CGNL1: variants seen among roughly 807,000 people sequenced by gnomAD.
The protein encoded by CGNL1 is cingulin-like protein 1.
In CGNL1, 132 loss-of-function variants were observed where a neutral mutation model predicts 141.2. The observed-to-expected ratio is 0.93, with a 90% confidence interval of 0.81 to 1.08. The LOEUF (loss-of-function observed/expected upper bound fraction) is 1.08, where lower values mean the gene tolerates loss of function less well. Ranked by LOEUF, CGNL1 falls within the 50% of genes least tolerant of loss-of-function variation. The pLI, the probability that CGNL1 is intolerant of heterozygous loss-of-function variation, is 0.00. For synonymous variants in CGNL1, 690 were observed against 622.1 expected (o/e 1.11, Z -1.63); for missense variants, 1,870 against 1,588.6 (o/e 1.18, Z -3.01).
At chr15:57,476,619 A>G (rs564097484) in intron 8 of CGNL1, among the ~76,000 whole-genome samples, 1 of 152,200 alleles carries the variant, frequency 6.6e-6, no homozygotes, top group Non-Finnish European at 1.5e-5. Flanking sequence ...TTTTAGCTAC[A>G]GAGTAAGTCA....
chr15:57,422,143 A>T (rs1412542053), intron 1 of CGNL1, among the ~76,000 whole-genome samples: 1 of 151,718 alleles, frequency 6.6e-6, no homozygotes, highest in East Asian at 1.9e-4. Context: ...ACCCTGCCAG[A>T]GGGTAATTTT....
intron 1 of CGNL1, among the ~76,000 whole-genome samples, chr15:57,416,474 C>T (rs1356566371): frequency 6.6e-6 from 1 of 152,162 alleles, no homozygotes; most frequent in Non-Finnish European, 1.5e-5. Context: ...TCTACTTAAG[C>T]CAGCATCCTC....
chr15:57,528,823 G>A lies in CGNL1; in HGVS notation c.3201+8G>A, dbSNP rs773063247. On this transcript the variant is annotated splice_region_variant and intron_variant, in intron 13 of 18. Coordinates refer to ENST00000281282, the MANE Select transcript of CGNL1 (RefSeq NM_032866.5). ...CTGGTCAAGCAGATGGAGGTCTGTG[G>A]GCCGTACAGTGTGAGCTGGGGGACC... 5.0e-6 allele frequency: 8 copies of A among 1,612,946 alleles called. No individual in the cohort carries two copies. The highest frequency in any genetic ancestry group is 2.2e-5 in the South Asian group (2 of 91,012).
chr15:57,442,182 G>GAA lies in CGNL1; in HGVS notation c.1698-171_1698-170dup, dbSNP rs61564944. Among the ~76,000 whole-genome samples the GAA allele has an allele frequency of 2.5e-3, 239 of 96,502 alleles. 19 individuals are homozygous for GAA. Among genetic ancestry groups the GAA allele is most frequent in the African/African-American group, 9.8e-3 (228 of 23,292 alleles). 63.3% of individuals were successfully genotyped at this position (96,502 alleles called of 152,430 possible). On this transcript the variant is annotated intron_variant, in intron 3 of 18. Transcript: ENST00000281282. ...TTGAGTGGTAACACATCATTTATTTGAAAAAAAAAAAAAAAAAAAAAGACA... is the reference window on the plus strand; with the variant it reads ...TTGAGTGGTAACACATCATTTATTTGAAAAAAAAAAAAAAAAAAAAAAAGACA...
chr15:57,407,270 T>G (rs1300576835), intron 1 of CGNL1: 2 of 152,174 alleles, frequency 1.3e-5, no homozygotes, highest in Non-Finnish European at 2.9e-5. Flanking sequence ...TTAGTAAATA[T>G]GATGAGAAAA....
At chr15:57,527,074 C>T (rs963345690) in intron 12 of CGNL1, 1 of 151,978 alleles carries the variant, frequency 6.6e-6, no homozygotes, top group Non-Finnish European at 1.5e-5. Context: ...GTTTTTTTAA[C>T]GCTCTGGAAT....
At chr15:57,531,957 C>G (rs966623906) in intron 14 of CGNL1, among the ~76,000 whole-genome samples, 178 bp downstream of exon 14, 5 of 152,144 alleles carry the variant, frequency 3.3e-5, no homozygotes, top group Non-Finnish European at 7.3e-5. Flanking sequence ...GACCAGATTA[C>G]TTGTATTTTA....
At chr15:57,494,084 C>G (rs1264888332) in intron 8 of CGNL1, among the ~76,000 whole-genome samples, 1 of 152,176 alleles carries the variant, frequency 6.6e-6, no homozygotes, top group African/African-American at 2.4e-5. Flanking sequence ...GGGGTATGAA[C>G]CTGAAAATCA....
chr15:57,378,357 CTATG>C (rs1275138930), intron 1 of CGNL1, among the ~76,000 whole-genome samples: 1 of 93,786 alleles, frequency 1.1e-5, no homozygotes, highest in Non-Finnish European at 2.1e-5. Flanking sequence ...GGGTGGCCCT[CTATG>C]TGTTTTTTTT....
chr15:57,443,993 T>A (rs1045272284), intron 4 of CGNL1, among the ~76,000 whole-genome samples: 2 of 152,194 alleles, frequency 1.3e-5, no homozygotes, highest in Non-Finnish European at 2.9e-5. Flanking sequence ...ACAAATTGTA[T>A]CTGTACAGTT....
At chr15:57,447,836 GTGTGTGTGTA>G (rs1443891063) in intron 4 of CGNL1, among the ~76,000 whole-genome samples, 1 of 136,620 alleles carries the variant, frequency 7.3e-6, no homozygotes, top group Non-Finnish European at 1.5e-5. Context: ...GTGTGTGTGT[GTGTGTGTGTA>G]TGTTGTATGT....
rs1437792897 is a variant in CGNL1 at position 57,453,768 on chromosome 15, C to A, written c.2140C>A (p.Leu714Met). The change falls in exon 7 of 19, where the codon CTG becomes ATG. Residue 714 changes from leucine to methionine, a missense_variant. Coordinates refer to ENST00000281282, the MANE Select transcript of CGNL1 (RefSeq NM_032866.5). Reference protein sequence around the residue: ...QDQLSEMHDELDSAKRSEDRE... With the variant: ...QDQLSEMHDEMDSAKRSEDRE... ...CCAGCTCTCAGAAATGCACGATGAA[C>A]TGGACAGTGCAAAGCGATCGGAGGA... is the stretch of plus-strand genomic sequence containing the variant. 1 of 1,613,962 alleles carries A rather than the reference C, an allele frequency of 6.2e-7. No individual in the cohort carries two copies. The highest frequency in any genetic ancestry group is 8.5e-7 in the Non-Finnish European group (1 of 1,179,954).
chr15:57,452,161 A>G lies in CGNL1; in HGVS notation c.1926A>G (p.Glu642=). The change falls in exon 6 of 19, where the codon GAA becomes GAG. Residue 642 remains glutamate (E), a synonymous_variant. Transcript: ENST00000281282. ...GTTAGAATCAACAGAACATTAAAGA[A>G]GAGAGAGAGAGGATGAGAGCAAACC... ...LEVKNQQNIK[E]ERERMRANLE... 2 of 1,583,822 alleles carry G rather than the reference A, an allele frequency of 1.3e-6. No homozygotes were observed. Among genetic ancestry groups the G allele is most frequent in the African/African-American group, 2.7e-5 (2 of 74,046 alleles).
In CGNL1 at chr15:57,548,152, C is replaced by T. The variant is rs1293816026; in HGVS notation, c.*662C>T. ...AAGAAGCTGAGATTACAGATGACCA[C>T]CACCACTCCTGGCTAATTTTTTGTA... is the stretch of plus-strand genomic sequence containing the variant. On this transcript the variant is annotated 3_prime_UTR_variant, in exon 19 of 19. Transcript: ENST00000281282. 1.3e-5 allele frequency: 2 copies of T among 152,132 alleles called. No homozygotes were observed. The highest frequency in any genetic ancestry group is 4.8e-5 in the African/African-American group (2 of 41,398). 9.4% of individuals were successfully genotyped at this position (152,132 alleles called of 1,614,324 possible).
intron 7 of CGNL1, 134 bp from the exon 8 acceptor site, chr15:57,461,546 G>A (rs1263274224): frequency 1.5e-5 from 11 of 731,676 alleles, no homozygotes; most frequent in Middle Eastern, 3.2e-4. Context: ...ACAGGTGTGC[G>A]GGATGTGGAA....
At chr15:57,541,931 C>T (rs1355919177) in intron 14 of CGNL1, among the ~76,000 whole-genome samples, 4 of 152,198 alleles carry the variant, frequency 2.6e-5, no homozygotes, top group African/African-American at 9.7e-5. Flanking sequence ...GGCCCAGCTT[C>T]CCCCTGTGGT....
chr15:57,448,467 G>A (rs1239813703), intron 4 of CGNL1, among the ~76,000 whole-genome samples: 2 of 151,974 alleles, frequency 1.3e-5, no homozygotes, highest in African/African-American at 4.8e-5. Flanking sequence ...TGGTCAACAT[G>A]GTGAAACCCT....
At chr15:57,398,634 T>G (rs982596591) in intron 1 of CGNL1, among the ~76,000 whole-genome samples, 4 of 152,302 alleles carry the variant, frequency 2.6e-5, no homozygotes, top group Middle Eastern at 3.4e-3. Flanking sequence ...AACCAGTCTT[T>G]CAAACATAAT....
intron 8 of CGNL1, among the ~76,000 whole-genome samples, chr15:57,466,862 G>T (rs1343567621): frequency 6.6e-6 from 1 of 152,168 alleles, no homozygotes; most frequent in Non-Finnish European, 1.5e-5. Flanking sequence ...TCTAAGAGTT[G>T]CAAGTATTTT....
Sources: gnomAD v4.1 joint callset for allele counts (sites outside exome capture counted in the v4.1 genomes callset) on GRCh38, gnomAD v4.1.1 for gene constraint, MANE v1.5 for transcripts, NCBI Gene and HGNC (gene_info 2026-07-23, HGNC 2026-07-21) for gene names.